Variants in PKD1 observed in about 807,000 individuals in gnomAD.
PKD1 encodes polycystin 1, transient receptor potential channel interacting, also known as polycystin-1.
A neutral mutation model predicts 361.7 loss-of-function variants in PKD1; 81 were observed. The ratio of observed to expected loss-of-function variants is 0.22; its 90% confidence interval spans 0.19 to 0.27. PKD1 has a LOEUF of 0.27. Among genes scored for constraint, PKD1 ranks in the 10% least tolerant of loss-of-function variants. PKD1 has a pLI of 1.00. For missense variants in PKD1, 6,399 were observed against 6,118.3 expected, an observed-to-expected ratio of 1.05 and a Z score of -1.53; for synonymous variants, 3,615 against 2,818.3, an observed-to-expected ratio of 1.28 and a Z score of -8.95.
In PKD1 at chr16:2,092,539, C is replaced by G. The variant is rs535799831; in HGVS notation, c.11210G>C (p.Gly3737Ala). ...CCCCAGCTCTGGGCTGGACTGGTTC[C>G]CGTGGACGTAGGGCAGCAGCACGTG... is the stretch of plus-strand genomic sequence containing the variant. The part of the protein sequence containing the change: ...MAHVLLPYVH[G>A]NQSSPELGPP... The change falls in exon 39 of 46, where the codon GGG becomes GCG. Residue 3737 changes from glycine (G) to alanine (A), a missense_variant. Coordinates refer to ENST00000262304, the MANE Select transcript of PKD1 (RefSeq NM_001009944.3). 1.2e-5 allele frequency: 19 copies of G among 1,612,606 alleles called. No individual in the cohort carries two copies. Among genetic ancestry groups the G allele is most frequent in the Non-Finnish European group, 1.4e-5 (17 of 1,179,904 alleles).
In PKD1 at chr16:2,105,424, G is replaced by A; in HGVS notation, c.7914C>T (p.His2638=). ...TGATGTTCTTGCGTATCTGGGCTCG[G>A]TGCTGCCGCTCGTGCTTGGGCTCTG... The part of the protein sequence containing the change: ...VAAEPKHERQ[H]RAQIRKNITE... Residue 2638 remains histidine (H), a synonymous_variant, in exon 21 of 46, where the codon CAC becomes CAT. Coordinates refer to ENST00000262304, the MANE Select transcript of PKD1 (RefSeq NM_001009944.3). 1 of 1,585,336 alleles carries A rather than the reference G, an allele frequency of 6.3e-7. No individual in the cohort carries two copies. The highest frequency in any genetic ancestry group is 8.5e-7 in the Non-Finnish European group (1 of 1,172,212).
intron 30 of PKD1, 157 bp from the exon 31 acceptor site, chr16:2,098,141 G>A: frequency 6.5e-6 from 4 of 613,774 alleles, no homozygotes; most frequent in Non-Finnish European, 8.8e-6. Context: ...GTCCGTGATG[G>A]CAGCCCCTCG....
In PKD1 at chr16:2,106,605, C is replaced by T. The variant is rs770575717; in HGVS notation, c.7282G>A (p.Gly2428Ser). The change falls in exon 18 of 46, where the codon GGC (glycine) becomes AGC (serine). Residue 2428 changes from glycine to serine, a missense_variant. Physicochemically the swap from Gly to Ser is moderately conservative, Grantham distance 56. Transcript: ENST00000262304. The surrounding 1 kb of genome is among the most constrained non-coding windows in gnomAD (Gnocchi z 6.5). The stretch of plus-strand genomic sequence containing the variant: ...CCCCGCCGCAGCACCAGTCGCATGC[C>T]TGCACTGCCCGTGGATGTGGTGGTC... ...DETTTSTGSA[G>S]MRLVLRRGVL... 1.3e-6 allele frequency: 2 copies of T among 1,598,696 alleles called. No individual in the cohort carries two copies. The highest frequency in any genetic ancestry group is 1.1e-5 in the South Asian group (1 of 90,866).
intron 1 of PKD1, among the ~76,000 whole-genome samples, chr16:2,124,592 C>G (rs958726093): frequency 5.9e-5 from 9 of 152,354 alleles, no homozygotes; most frequent in Non-Finnish European, 4.4e-5. Context: ...TGGCCCCAGA[C>G]AAACCAGACC....
Position 2,108,561 on chromosome 16 carries a change from C to T in PKD1, c.6606G>A (p.Ala2202=), listed in dbSNP as rs367600795. 442 of 1,586,504 alleles carry T rather than the reference C, an allele frequency of 2.8e-4. 2 individuals carry two copies. Among genetic ancestry groups the T allele is most frequent in the Admixed American group, 1.8e-4 (10 of 56,368 alleles). Residue 2202 remains alanine (A), a synonymous_variant, in exon 15 of 46, where the codon GCG becomes GCA. Coordinates refer to ENST00000262304, the MANE Select transcript of PKD1 (RefSeq NM_001009944.3). ...TASCQRPGRP[A]RVALPGVDVS... is the part of the protein sequence containing the mutation. ...CGTCCACGCCGGGCAGGGCCACACG[C>T]GCTGGGCGCCCCGGCCGCTGGCAGC...
Position 2,093,597 on chromosome 16 carries a change from A to G in PKD1, c.10963T>C (p.Phe3655Leu). ...RVRPPHGFALFLAKEEARKVK... is the reference protein window; with the variant it reads ...RVRPPHGFALLLAKEEARKVK... Reference sequence around the variant, plus strand: ...TTGCGGGCTTCTTCCTTGGCCAGGAAGAGTGCAAAGCCGTGGGGTGGCCGT... The same window carrying G: ...TTGCGGGCTTCTTCCTTGGCCAGGAGGAGTGCAAAGCCGTGGGGTGGCCGT... Residue 3655 changes from phenylalanine to leucine, a missense_variant, in exon 37 of 46, where the codon TTC becomes CTC. Coordinates refer to ENST00000262304, the MANE Select transcript of PKD1 (RefSeq NM_001009944.3). The G allele has an allele frequency of 6.2e-7, 1 of 1,609,048 alleles. No individual in the cohort carries two copies.
intron 30 of PKD1, chr16:2,099,389 G>A (rs2091992419): frequency 5.5e-6 from 3 of 541,014 alleles, no homozygotes; most frequent in Non-Finnish European, 1.0e-5. Flanking sequence ...GAGTTATCTG[G>A]CGTGCTGCTG....
chr16:2,099,818 G>A (rs1425733106), intron 29 of PKD1, 43 bp downstream of exon 29: 1 of 1,555,812 alleles, frequency 6.4e-7, no homozygotes, highest in South Asian at 1.2e-5. Flanking sequence ...GGGGCAGGAA[G>A]GGCTGGGCAG....
intron 1 of PKD1, among the ~76,000 whole-genome samples, chr16:2,124,720 C>T (rs188977370): frequency 4.8e-4 from 73 of 152,332 alleles, no homozygotes; most frequent in Admixed American, 9.1e-4. Context: ...ACATTCCAGA[C>T]ACGTGTGGTC....
chr16:2,097,640 A>C (rs1054654230), intron 32 of PKD1, 88 bp downstream of exon 32: 17 of 1,610,410 alleles, frequency 1.1e-5, no homozygotes, highest in Admixed American at 1.7e-5. Flanking sequence ...AGCCACAGAC[A>C]CCCAGCAAGG....
At chr16:2,126,296 G>A (rs1286838460) in intron 1 of PKD1, among the ~76,000 whole-genome samples, 1 of 152,382 alleles carries the variant, frequency 6.6e-6, no homozygotes, top group African/African-American at 2.4e-5. Context: ...GCTGGCTTCC[G>A]CCTCTGCCTG....
chr16:2,113,918 G>A (rs1188144512), intron 11 of PKD1: 5 of 575,154 alleles, frequency 8.7e-6, no homozygotes, highest in Non-Finnish European at 1.6e-5. Flanking sequence ...TCAGGGAGCA[G>A]AGTTTTAAAT....
intron 26 of PKD1, among the ~76,000 whole-genome samples, chr16:2,101,519 G>C (rs572982714): frequency 5.3e-5 from 8 of 152,128 alleles, no homozygotes; most frequent in African/African-American, 1.9e-4. Flanking sequence ...CAGGAGAATC[G>C]CTTAAGGGGA....
intron 1 of PKD1, among the ~76,000 whole-genome samples, chr16:2,121,423 AAG>A (rs1013105601): frequency 1.3e-5 from 2 of 152,164 alleles, no homozygotes; most frequent in Admixed American, 6.5e-5. Context: ...GGAGGAAAGA[AAG>A]AGAAAACTCC....
Position 2,118,018 on chromosome 16 carries a change from T to C in PKD1, c.974A>G (p.Tyr325Cys), listed in dbSNP as rs1232180956. The C allele has an allele frequency of 6.3e-7, 1 of 1,594,368 alleles. No individual in the cohort carries two copies. Among genetic ancestry groups the C allele is most frequent in the Non-Finnish European group, 8.5e-7 (1 of 1,175,118 alleles). The change falls in exon 5 of 46, where the codon TAT becomes TGT. Residue 325 changes from tyrosine to cysteine, a missense_variant. Coordinates refer to ENST00000262304, the MANE Select transcript of PKD1 (RefSeq NM_001009944.3). This position sits in a 1 kb window ranked among gnomAD's most constrained non-coding sequence, Gnocchi z 6.0. ...DAAGPAASHR[Y>C]VLPGRYHVTA... ...CACGTGATAGCGCCCAGGCAGCACA[T>C]AGCGATGCGAGGCAGCCGGCCCAGC...
chr16:2,109,428 G>T lies in PKD1; in HGVS notation c.5739C>A (p.Ala1913=). ...QLVHFQILLA[A]GSAVTFRLQV... is the part of the protein sequence containing the mutation. ...GCAGGCGGAAGGTGACAGCTGAGCC[G>T]GCAGCCAGCAGGATCTGAAAATGGA... The change falls in exon 15 of 46, where the codon GCC becomes GCA. Residue 1913 remains alanine, a synonymous_variant. Coordinates refer to ENST00000262304, the MANE Select transcript of PKD1 (RefSeq NM_001009944.3). The T allele has an allele frequency of 6.2e-7, 1 of 1,603,858 alleles. No individual in the cohort carries two copies. The highest frequency in any genetic ancestry group is 8.5e-7 in the Non-Finnish European group (1 of 1,179,258).
At chr16:2,130,130 A>C (rs1196146285) in intron 1 of PKD1, among the ~76,000 whole-genome samples, 1 of 152,182 alleles carries the variant, frequency 6.6e-6, no homozygotes, top group Non-Finnish European at 1.5e-5. Flanking sequence ...GCGTCTAATA[A>C]AGAAACTACC....
chr16:2,090,302 G>A lies in PKD1; in HGVS notation c.12427C>T (p.Leu4143Phe), dbSNP rs747223671. The A allele has an allele frequency of 1.9e-6, 3 of 1,610,730 alleles. No homozygotes were observed. Among genetic ancestry groups the A allele is most frequent in the Non-Finnish European group, 2.5e-6 (3 of 1,178,612 alleles). ...FLRRLRLWMGLSKVKEFRHKV... is the reference protein window; with the variant it reads ...FLRRLRLWMGFSKVKEFRHKV... ...GTACCCACCTCCTTGACCTTGCTGA[G>A]GCCCATCCAGAGGCGCAGCCTGCGC... The change falls in exon 45 of 46, where the codon CTC (leucine) becomes TTC (phenylalanine). Residue 4143 changes from leucine (L) to phenylalanine (F), a missense_variant. By Grantham distance (22) the Leu-to-Phe change is conservative (BLOSUM62 0). Transcript: ENST00000262304.
chr16:2,135,701 C>G lies in PKD1; in HGVS notation c.-12G>C. On this transcript the variant is annotated 5_prime_UTR_variant, in exon 1 of 46. Coordinates refer to ENST00000262304, the MANE Select transcript of PKD1 (RefSeq NM_001009944.3). ...GCGGCGGGCGGCATCGTTAGGGCAG[C>G]GCGCGCATGGCCCCGCCGTCCCCAG... 2.2e-6 allele frequency: 2 copies of G among 892,736 alleles called. No homozygotes were observed. Among genetic ancestry groups the G allele is most frequent in the Non-Finnish European group, 2.7e-6 (2 of 747,960 alleles). 55.3% of individuals were successfully genotyped at this position (892,736 alleles called of 1,614,324 possible).
Sources: gnomAD v4.1 joint callset for allele counts (sites outside exome capture counted in the v4.1 genomes callset) on GRCh38, gnomAD v4.1.1 for gene constraint, Gnocchi (gnomAD v3.1) non-coding constraint, MANE v1.5 for transcripts, NCBI Gene and HGNC (gene_info 2026-07-23, HGNC 2026-07-21) for gene names.